Variants in EDNRB observed in about 807,000 individuals in gnomAD.
The protein encoded by EDNRB is Hirschsprung disease 2.
A neutral mutation model predicts 46.4 loss-of-function variants in EDNRB; 18 were observed. The observed-to-expected ratio is 0.39, with a 90% confidence interval of 0.27 to 0.57. The LOEUF is 0.57. EDNRB is among the 20% of genes least tolerant of loss of function. The pLI is 0.61. For missense variants in EDNRB, 434 were observed against 537.5 expected (o/e 0.81, Z 1.90); for synonymous variants, 213 against 204.9 (o/e 1.04, Z -0.34).
intron 1 of EDNRB, among the ~76,000 whole-genome samples, chr13:77,905,940 A>G (rs1262747030): frequency 6.6e-6 from 1 of 151,970 alleles, no homozygotes; most frequent in Admixed American, 6.6e-5. Context: ...GGTTTGAAGA[A>G]GGGAAATGGC....
At chr13:77,973,720 T>C (rs891828487) in intron 1 of EDNRB, among the ~76,000 whole-genome samples, 9 of 152,132 alleles carry the variant, frequency 5.9e-5, no homozygotes, top group Non-Finnish European at 1.2e-4. Context: ...GTTTTACATT[T>C]AGGAGGCCTA....
intron 1 of EDNRB, among the ~76,000 whole-genome samples, chr13:77,914,753 G>A (rs1403135480): frequency 6.6e-6 from 1 of 152,142 alleles, no homozygotes; most frequent in Non-Finnish European, 1.5e-5. Flanking sequence ...GTTTCCCAAT[G>A]CTTTTCAGCT....
rs1218255830 is a variant in EDNRB at position 77,896,763 on chromosome 13, C to T, written c.*1437G>A. 7.4e-7 allele frequency: 1 copy of T among 1,343,484 alleles called. No individual in the cohort carries two copies. The highest frequency in any genetic ancestry group is 1.5e-5 in the African/African-American group (1 of 66,652). The allele number at this position is 1,343,484 out of a possible 1,614,324, so 83.2% of individuals were successfully genotyped here. On this transcript the variant is annotated 3_prime_UTR_variant, in exon 7 of 7. Transcript: ENST00000646607. ...ATCTGTCCCCATGGGTTTCCTCCAA[C>T]CCCACCTCATTTCCTCTCTCTTCCG...
intron 1 of EDNRB, among the ~76,000 whole-genome samples, chr13:77,951,261 TGTC>T (rs1384686423): frequency 1.3e-5 from 2 of 152,184 alleles, no homozygotes; most frequent in Non-Finnish European, 2.9e-5. Flanking sequence ...TTTTTTTTGT[TGTC>T]GTTTTGTTTT....
chr13:77,970,297 G>C (rs926170300), intron 1 of EDNRB, among the ~76,000 whole-genome samples: 1 of 152,144 alleles, frequency 6.6e-6, no homozygotes, highest in Non-Finnish European at 1.5e-5. Flanking sequence ...GGTATTTTCT[G>C]AGTCAAAGGG....
intron 1 of EDNRB, among the ~76,000 whole-genome samples, chr13:77,974,617 TC>T (rs1881831000): frequency 9.1e-5 from 1 of 11,040 alleles, no homozygotes; most frequent in Admixed American, 9.4e-4. Flanking sequence ...CCTCTCTGCC[TC>T]TCTCTCTCTC....
At chr13:77,899,353 G>T (rs901692957) in intron 6 of EDNRB, 2 of 156,690 alleles carry the variant, frequency 1.3e-5, no homozygotes, top group Admixed American at 6.2e-5. Context: ...GGAATTATAT[G>T]TATTTCACAT....
At chr13:77,949,452 G>T in intron 1 of EDNRB, among the ~76,000 whole-genome samples, 1 of 152,106 alleles carries the variant, frequency 6.6e-6, no homozygotes, top group East Asian at 1.9e-4. Context: ...TCTTCTTATA[G>T]GTTTTAGACA....
intron 1 of EDNRB, among the ~76,000 whole-genome samples, chr13:77,916,931 C>A (rs967484814): frequency 2.0e-5 from 3 of 149,600 alleles, no homozygotes; most frequent in African/African-American, 7.4e-5. Flanking sequence ...TTTTTTAACA[C>A]CATAAAGCCT....
In EDNRB at chr13:77,934,874, T is replaced by C. The variant is rs560443553; in HGVS notation, c.-51-16250A>G. 1.5e-3 allele frequency among the ~76,000 whole-genome samples: 222 copies of C among 152,178 alleles called. 1 individual carries two copies. Among genetic ancestry groups the C allele is most frequent in the Non-Finnish European group, 1.3e-3 (91 of 68,018 alleles). On this transcript the variant is annotated intron_variant, in intron 1 of 7. Coordinates refer to the EDNRB transcript ENST00000646948. ...TTATGCCTGGTGGAACTGCCATCAA[T>C]AAATCAAGCGTGATCAGGTTGAGGA...
chr13:77,959,022 G>A (rs1408930540), intron 1 of EDNRB, among the ~76,000 whole-genome samples: 1 of 152,214 alleles, frequency 6.6e-6, no homozygotes, highest in East Asian at 1.9e-4. Flanking sequence ...ACAAGGAGGG[G>A]TGAATGATCT....
chr13:77,922,357 G>A (rs1343791109), upstream of EDNRB, among the ~76,000 whole-genome samples: 1 of 152,150 alleles, frequency 6.6e-6, no homozygotes, highest in Non-Finnish European at 1.5e-5. Context: ...GGTTTGCCAT[G>A]GGGAGCATTC....
At chr13:77,916,699 A>G (rs912860611) in intron 1 of EDNRB, among the ~76,000 whole-genome samples, 1 of 152,116 alleles carries the variant, frequency 6.6e-6, no homozygotes, top group African/African-American at 2.4e-5. Flanking sequence ...TCCCTACAAC[A>G]TTTCCCAACT....
upstream of EDNRB, among the ~76,000 whole-genome samples, chr13:77,923,626 GTTTTC>G (rs958572671): frequency 2.0e-5 from 3 of 151,994 alleles, no homozygotes; most frequent in Non-Finnish European, 4.4e-5. Context: ...GACTCTAATT[GTTTTC>G]TTTAATTTTT....
intron 1 of EDNRB, among the ~76,000 whole-genome samples, chr13:77,962,580 C>T (rs568694573): frequency 6.6e-6 from 1 of 152,256 alleles, no homozygotes; most frequent in South Asian, 2.1e-4. Flanking sequence ...GCCCTTCATG[C>T]TAAAAACTCT....
Position 77,898,090 on chromosome 13 carries a change from T to C in EDNRB, c.*110A>G. ...ATAATTACACTTAATATTTTAATAG[T>C]GTGCTGTGCAAATACATAGTTTTTT... is the stretch of plus-strand genomic sequence containing the variant. On this transcript the variant is annotated 3_prime_UTR_variant, in exon 7 of 7. Coordinates refer to ENST00000646607, the MANE Select transcript of EDNRB (RefSeq NM_001122659.3). 1 of 1,518,534 alleles carries C rather than the reference T, an allele frequency of 6.6e-7. No individual in the cohort carries two copies. The allele number at this position is 1,518,534 out of a possible 1,614,324, so 94.1% of individuals were successfully genotyped here.
rs557810763 is a variant in EDNRB at position 77,934,809 on chromosome 13, T to G, written c.-51-16185A>C. 2.7e-3 allele frequency among the ~76,000 whole-genome samples: 407 copies of G among 152,214 alleles called. 4 individuals are homozygous for G. Among genetic ancestry groups the G allele is most frequent in the African/African-American group, 9.4e-3 (391 of 41,548 alleles). ...AGGTTCTAAGAGGCAGGCTGGTGGC[T>G]TGTACTATAGCATAGCCTGGCTTTG... On this transcript the variant is annotated intron_variant, in intron 1 of 7. Coordinates refer to the EDNRB transcript ENST00000646948.
chr13:77,965,059 G>T (rs1881542765), intron 1 of EDNRB, among the ~76,000 whole-genome samples: 1 of 152,144 alleles, frequency 6.6e-6, no homozygotes, highest in Non-Finnish European at 1.5e-5. Context: ...CTTTCCTCCT[G>T]TCTTAGCCCT....
intron 1 of EDNRB, among the ~76,000 whole-genome samples, chr13:77,908,043 A>AAAAAAGAGAG (rs4052535): frequency 6.6e-4 from 48 of 72,484 alleles, no homozygotes; most frequent in South Asian, 7.5e-4. Context: ...AAAAAAAAAA[A>AAAAAAGAGAG]AGAGAGAGAG....
Sources: allele counts gnomAD v4.1 joint callset (sites outside exome capture counted in the v4.1 genomes callset), GRCh38; gene constraint gnomAD v4.1.1; transcripts MANE v1.5; gene names NCBI Gene and HGNC (gene_info 2026-07-23, HGNC 2026-07-21).